The following ATP1B4 variants were observed in gnomAD, a reference collection of about 807,000 sequenced individuals.
ATP1B4 encodes protein ATP1B4.
ATP1B4 carries 32 observed loss-of-function variants against 29.6 expected under a neutral mutation model. That is an observed-to-expected ratio of 1.08 (90% CI 0.82 to 1.45). The LOEUF (loss-of-function observed/expected upper bound fraction) is 1.45, where lower values mean the gene tolerates loss of function less well. Among genes scored for constraint, ATP1B4 ranks in the 40% most tolerant of loss-of-function variants. The pLI is 0.00. For synonymous variants in ATP1B4, 127 were observed against 102.1 expected, an observed-to-expected ratio of 1.24 and a Z score of -1.47; for missense variants, 323 against 276.2, an observed-to-expected ratio of 1.17 and a Z score of -1.20.
chrX:120,375,464 G>A lies in ATP1B4; in HGVS notation c.655G>A (p.Ala219Thr). The A allele has an allele frequency of 3.3e-6, 4 of 1,210,973 alleles. No individual in the cohort carries two copies. Among genetic ancestry groups the A allele is most frequent in the Non-Finnish European group, 3.4e-6 (3 of 895,018 alleles). Residue 219 changes from alanine (A) to threonine (T), a missense_variant, in exon 5 of 8, where the codon GCC becomes ACC. Coordinates refer to ENST00000218008, the MANE Select transcript of ATP1B4 (RefSeq NM_001142447.3). ...QDGNEDEDKK[A>T]CQFKRSFLKN... ...TGGCAATGAGGATGAGGACAAGAAG[G>A]CCTGCCAATTTAAGCGCTCCTTCCT... is the stretch of plus-strand genomic sequence containing the variant.
rs763976622 is a variant in ATP1B4, at chrX:120,363,073, G to C, written c.63+842G>C. Among the ~76,000 whole-genome samples, 2 of 112,372 alleles carry C rather than the reference G, an allele frequency of 1.8e-5. 1 individual carries two copies. Among genetic ancestry groups the C allele is most frequent in the Admixed American group, 1.9e-4 (2 of 10,609 alleles). On this transcript the variant is annotated intron_variant, in intron 1 of 7. Coordinates refer to ENST00000218008, the MANE Select transcript of ATP1B4 (RefSeq NM_001142447.3). ...TATAAGTCATTAATGTATGCCACAC[G>C]CAGTGCTTTTTGGGGAGAGGATTTT...
intron 2 of ATP1B4, among the ~76,000 whole-genome samples, chrX:120,369,424 G>A (rs1317619761): frequency 9.0e-6 from 1 of 111,603 alleles, no homozygotes; most frequent in African/African-American, 3.3e-5. Context: ...ACCTTTTTTG[G>A]TTAATTTTAT....
intron 4 of ATP1B4, among the ~76,000 whole-genome samples, chrX:120,374,447 T>C (rs986701743): frequency 4.0e-5 from 4 of 99,310 alleles, no homozygotes; most frequent in African/African-American, 1.5e-4. Flanking sequence ...ATATACCATA[T>C]ATATACCCTT....
intron 6 of ATP1B4, among the ~76,000 whole-genome samples, chrX:120,377,972 C>T (rs1602509395): frequency 8.9e-6 from 1 of 111,818 alleles, no homozygotes. Flanking sequence ...TAGGGCAAGC[C>T]GAATGTATCA....
At position 120,379,486 on chromosome X, in the gene ATP1B4, C is replaced by T; in HGVS notation, c.926C>T (p.Ser309Phe). 2.5e-6 allele frequency: 3 copies of T among 1,205,262 alleles called. No homozygotes were observed. The highest frequency in any genetic ancestry group is 3.4e-6 in the Non-Finnish European group (3 of 893,109). Reference protein sequence around the residue: ...YGKLTHVNYTSPLVAMHFTDV... With the variant: ...YGKLTHVNYTFPLVAMHFTDV... The stretch of plus-strand genomic sequence containing the variant: ...TTCTACCTGCAGGTTAACTACACAT[C>T]CCCCTTGGTGGCAATGCACTTTACA... Residue 309 changes from serine (S) to phenylalanine (F), a missense_variant, in exon 8 of 8, where the codon TCC (serine) becomes TTC (phenylalanine). Physicochemically the swap from Ser to Phe is radical, Grantham distance 155 (BLOSUM62 -2). Transcript: ENST00000218008.
At chrX:120,374,832 A>G (rs1198734533) in intron 4 of ATP1B4, among the ~76,000 whole-genome samples, 2 of 71,395 alleles carry the variant, frequency 2.8e-5, no homozygotes, top group African/African-American at 1.1e-4. Context: ...GTATATATAT[A>G]TTATATATAA....
At chrX:120,373,445 G>A (rs892092662) in intron 4 of ATP1B4, among the ~76,000 whole-genome samples, 1 of 112,222 alleles carries the variant, frequency 8.9e-6, no homozygotes, top group Non-Finnish European at 1.9e-5. Flanking sequence ...ATTAGATGAG[G>A]ATTCAGCAGC....
rs1162777650 is a variant in ATP1B4, at chrX:120,380,814, T to A, written c.*1180T>A. 8.9e-6 allele frequency: 1 copy of A among 112,549 alleles called. No homozygotes were observed. Among genetic ancestry groups the A allele is most frequent in the African/African-American group, 3.2e-5 (1 of 30,841 alleles). 9.3% of individuals were successfully genotyped at this position (112,549 alleles called of 1,213,427 possible). A position where few individuals can be genotyped will look rare whatever the true frequency, so the allele number is the denominator to read the frequency against. ...GCCCATTAGCCAGTTTAGCATTTACTTTAAAAATGACATGAGGCAGATTCT... is the reference window on the plus strand; with the variant it reads ...GCCCATTAGCCAGTTTAGCATTTACATTAAAAATGACATGAGGCAGATTCT... On this transcript the variant is annotated 3_prime_UTR_variant, in exon 8 of 8. Coordinates refer to ENST00000218008, the MANE Select transcript of ATP1B4 (RefSeq NM_001142447.3).
At chrX:120,377,654 A>G (rs1017545687) in intron 6 of ATP1B4, among the ~76,000 whole-genome samples, 32 of 112,050 alleles carry the variant, frequency 2.9e-4, no homozygotes, top group African/African-American at 9.1e-4. Flanking sequence ...CTTGCTAAGA[A>G]CTGTCCTTTC....
chrX:120,381,485 T>A lies in ATP1B4; in HGVS notation c.*1851T>A, dbSNP rs1287994671. The stretch of plus-strand genomic sequence containing the variant: ...TTATTTTTGAGATGGAGTTTCGCTG[T>A]TGTCACCCAGGCTGGAGTGCAGTGG... On this transcript the variant is annotated 3_prime_UTR_variant, in exon 8 of 8. Transcript: ENST00000218008. The A allele has an allele frequency of 8.9e-6, 1 of 112,194 alleles. No individual in the cohort carries two copies. Among genetic ancestry groups the A allele is most frequent in the Non-Finnish European group, 1.9e-5 (1 of 53,226 alleles). 9.2% of individuals were successfully genotyped at this position (112,194 alleles called of 1,213,427 possible).
At chrX:120,378,434 C>T (rs1278302496) in intron 6 of ATP1B4, among the ~76,000 whole-genome samples, 1 of 111,241 alleles carries the variant, frequency 9.0e-6, no homozygotes, top group Non-Finnish European at 1.9e-5. Context: ...CACCTTTGTC[C>T]TCCTCAGTTC....
intron 1 of ATP1B4, 128 bp downstream of exon 1, chrX:120,362,359 G>C (rs1014684992): frequency 8.3e-6 from 5 of 599,246 alleles, no homozygotes; most frequent in Non-Finnish European, 1.4e-5. Context: ...GCGAAGTTTA[G>C]GGGAGCCCAG....
At chrX:120,378,564 G>C in intron 6 of ATP1B4, 114 bp from the exon 7 acceptor site, 1 of 636,275 alleles carries the variant, frequency 1.6e-6, no homozygotes, top group South Asian at 2.4e-5. Flanking sequence ...TGGTCTTCCT[G>C]GAACAGTTGG....
chrX:120,377,243 T>C (rs1349060041), intron 6 of ATP1B4, among the ~76,000 whole-genome samples: 1 of 112,369 alleles, frequency 8.9e-6, no homozygotes, highest in African/African-American at 3.2e-5. Context: ...AGCAAGCATT[T>C]ATTGATCACT....
intron 3 of ATP1B4, 125 bp downstream of exon 3, chrX:120,370,968 G>A: frequency 1.9e-6 from 2 of 1,049,523 alleles, no homozygotes; most frequent in Non-Finnish European, 2.6e-6. Flanking sequence ...ATTATTAGGA[G>A]GAAAAGTAAA....
chrX:120,377,168 G>A (rs781426836), intron 6 of ATP1B4, among the ~76,000 whole-genome samples: 1 of 112,362 alleles, frequency 8.9e-6, no homozygotes, highest in East Asian at 2.8e-4. Flanking sequence ...GAAAACTTCA[G>A]TCTTCATGGT....
intron 4 of ATP1B4, among the ~76,000 whole-genome samples, chrX:120,373,189 A>G (rs927390976): frequency 8.0e-5 from 9 of 112,177 alleles, no homozygotes; most frequent in African/African-American, 2.9e-4. Flanking sequence ...AATAAGGGTC[A>G]TGTCCATGTC....
Position 120,366,644 on chromosome X carries a change from A to T in ATP1B4, c.183A>T (p.Glu61Asp), listed in dbSNP as rs1314142686. The T allele has an allele frequency of 8.3e-7, 1 of 1,206,657 alleles. No homozygotes were observed. Among genetic ancestry groups the T allele is most frequent in the East Asian group, 3.0e-5 (1 of 33,757 alleles). ...AGGAGGAAGAAGAGGAGGAGAAAGA[A>T]GAGGAGGAAGAGGAGGAAAAGGAGG... ...SEEEEEEEEK[E>D]EEEEEEKEEE... is the part of the protein sequence containing the mutation. Residue 61 changes from glutamate to aspartate, a missense_variant, in exon 2 of 8, where the codon GAA becomes GAT. Glu to Asp is a conservative substitution (Grantham distance 45, BLOSUM62 2). Coordinates refer to ENST00000218008, the MANE Select transcript of ATP1B4 (RefSeq NM_001142447.3).
chrX:120,367,209 C>T (rs1214062373), intron 2 of ATP1B4, among the ~76,000 whole-genome samples: 2 of 111,792 alleles, frequency 1.8e-5, no homozygotes, highest in East Asian at 2.8e-4. Context: ...CAGAGTGAGG[C>T]CCCAATTAGA....
Sources: allele counts gnomAD v4.1 joint callset (sites outside exome capture counted in the v4.1 genomes callset), GRCh38; gene constraint gnomAD v4.1.1; transcripts MANE v1.5; gene names NCBI Gene and HGNC (gene_info 2026-07-23, HGNC 2026-07-21).